The following MACROD2 variants were observed in gnomAD, a reference collection of about 807,000 sequenced individuals.
MACROD2 encodes ADP-ribose glycohydrolase MACROD2.
A neutral mutation model predicts 70.4 loss-of-function variants in MACROD2; 36 were observed. That is an observed-to-expected ratio of 0.51 (90% CI 0.39 to 0.68). The LOEUF is 0.68. Among genes scored for constraint, MACROD2 ranks in the 30% least tolerant of loss-of-function variants. The probability of loss-of-function intolerance (pLI) is 0.00; values close to 1 mark genes in which losing one functional copy is unlikely to be tolerated. For missense variants in MACROD2, 496 were observed against 538.4 expected, an observed-to-expected ratio of 0.92 and a Z score of 0.78; for synonymous variants, 172 against 178.8, an observed-to-expected ratio of 0.96 and a Z score of 0.30.
chr20:15,374,669 A>G lies in MACROD2; in HGVS notation c.541-56736A>G, dbSNP rs923861300. 2.6e-5 allele frequency among the ~76,000 whole-genome samples: 4 copies of G among 152,176 alleles called. No homozygotes were observed. In the East Asian group the frequency reaches 7.7e-4, roughly 29 times the overall value. ...AAAGAATAGAGTGCCACTATTCCTG[A>G]GCAAGAAAGAGATGTTTTCAATTTC... is the stretch of plus-strand genomic sequence containing the variant. On this transcript the variant is annotated intron_variant, in intron 6 of 17. Transcript: ENST00000684519.
intron 5 of MACROD2, among the ~76,000 whole-genome samples, chr20:14,719,778 C>T (rs1489004503): frequency 6.6e-6 from 1 of 152,126 alleles, no homozygotes; most frequent in Admixed American, 6.5e-5. Flanking sequence ...ACTTCTAATT[C>T]GAGGCCTATG....
chr20:15,417,575 G>T (rs890443305), intron 6 of MACROD2, among the ~76,000 whole-genome samples: 1 of 133,598 alleles, frequency 7.5e-6, no homozygotes, highest in African/African-American at 2.9e-5. Flanking sequence ...CTCCAGCCCA[G>T]GTGACAGAGC....
chr20:15,802,614 A>G (rs1312464885), intron 8 of MACROD2, among the ~76,000 whole-genome samples: 1 of 152,150 alleles, frequency 6.6e-6, no homozygotes, highest in Non-Finnish European at 1.5e-5. Flanking sequence ...TAAGATATTA[A>G]AAAAGCAAGA....
intron 9 of MACROD2, among the ~76,000 whole-genome samples, chr20:15,885,053 T>C (rs1568617600): frequency 6.6e-6 from 1 of 152,108 alleles, no homozygotes; most frequent in Non-Finnish European, 1.5e-5. Context: ...AGATTAAGCA[T>C]ATGAATTTTG....
At chr20:15,918,046 C>A (rs1279447328) in intron 10 of MACROD2, among the ~76,000 whole-genome samples, 1 of 152,038 alleles carries the variant, frequency 6.6e-6, no homozygotes, top group Non-Finnish European at 1.5e-5. Context: ...GTGGGGAGTT[C>A]TATGAATAAA....
intron 3 of MACROD2, among the ~76,000 whole-genome samples, chr20:14,148,341 TGAA>T (rs2054968559): frequency 6.6e-6 from 1 of 152,222 alleles, no homozygotes; most frequent in African/African-American, 2.4e-5. Context: ...AATAAGCAGT[TGAA>T]GAAGATTTTT....
At chr20:15,235,653 T>C (rs1477675280) in intron 6 of MACROD2, among the ~76,000 whole-genome samples, 1 of 152,224 alleles carries the variant, frequency 6.6e-6, no homozygotes, top group Non-Finnish European at 1.5e-5. Flanking sequence ...TCTGAGAGGG[T>C]TGCCATGGCA....
intron 7 of MACROD2, among the ~76,000 whole-genome samples, chr20:15,436,487 A>T (rs1470503649): frequency 5.9e-5 from 9 of 152,186 alleles, no homozygotes; most frequent in Admixed American, 1.3e-4. Context: ...ATATGTGGGA[A>T]TTATGGGAGC....
intron 4 of MACROD2, 26 bp downstream of exon 4, chr20:14,493,534 A>T: frequency 6.3e-7 from 1 of 1,588,720 alleles, no homozygotes; most frequent in Non-Finnish European, 8.6e-7. Flanking sequence ...CACTTAACTT[A>T]AAATACATTT....
chr20:15,126,931 T>G (rs1376231366), intron 5 of MACROD2, among the ~76,000 whole-genome samples: 2 of 152,118 alleles, frequency 1.3e-5, no homozygotes, highest in African/African-American at 4.8e-5. Context: ...AGTCTATAAC[T>G]GACATTTTGA....
intron 3 of MACROD2, among the ~76,000 whole-genome samples, chr20:14,320,497 A>G (rs187471517): frequency 8.0e-4 from 122 of 152,250 alleles, no homozygotes; most frequent in Admixed American, 6.2e-3. Flanking sequence ...AAGAATATCA[A>G]TGCAGACTTC....
chr20:14,770,037 A>G (rs2072143929), intron 5 of MACROD2, among the ~76,000 whole-genome samples: 1 of 152,018 alleles, frequency 6.6e-6, no homozygotes, highest in Admixed American at 6.6e-5. Context: ...TTCTAAATAA[A>G]AGAAAAAGAT....
chr20:14,969,385 CACACACACACACACACAT>C (rs1203798919), intron 5 of MACROD2, among the ~76,000 whole-genome samples: 225 of 150,856 alleles, frequency 1.5e-3, no homozygotes, highest in African/African-American at 5.2e-3. Flanking sequence ...CACACACACA[CACACACACACACACACAT>C]ATATAAGCAT....
At chr20:15,894,152 G>A (rs2147226438) in intron 10 of MACROD2, 1 of 360,534 alleles carries the variant, frequency 2.8e-6, no homozygotes, top group Non-Finnish European at 5.4e-6. Flanking sequence ...CACTTGAAAA[G>A]AACTCTTGAG....
rs146765756 is a variant in MACROD2, at chr20:14,687,664, G to A, written c.418+2705G>A. ...CATGAGAGCTGAGATCCTGAGAGCC[G>A]ACAGATACTCAAGTCACTGCATGCA... On this transcript the variant is annotated intron_variant, in intron 5 of 17. Transcript: ENST00000684519. Among the ~76,000 whole-genome samples, 49 of 152,284 alleles carry A rather than the reference G, an allele frequency of 3.2e-4. 1 individual carries two copies. Among genetic ancestry groups the A allele is most frequent in the Admixed American group, 1.4e-3 (21 of 15,286 alleles).
At chr20:14,411,847 A>G (rs768256995) in intron 3 of MACROD2, among the ~76,000 whole-genome samples, 4 of 152,118 alleles carry the variant, frequency 2.6e-5, no homozygotes, top group Non-Finnish European at 5.9e-5. Context: ...CCTAGAGTTT[A>G]TGCAGCTTGA....
intron 3 of MACROD2, among the ~76,000 whole-genome samples, chr20:14,128,674 C>G (rs1399597948): frequency 6.6e-6 from 1 of 152,176 alleles, no homozygotes; most frequent in Non-Finnish European, 1.5e-5. Flanking sequence ...GAAATCAATG[C>G]TTGGCTTAAA....
chr20:15,124,298 T>C (rs1447890730), intron 5 of MACROD2, among the ~76,000 whole-genome samples: 1 of 151,642 alleles, frequency 6.6e-6, no homozygotes, highest in Admixed American at 6.6e-5. Flanking sequence ...CTACCAGATA[T>C]GTTATTTAAA....
At chr20:15,131,891 GATA>G (rs2076108419) in intron 5 of MACROD2, among the ~76,000 whole-genome samples, 2 of 151,812 alleles carry the variant, frequency 1.3e-5, no homozygotes, top group Admixed American at 6.6e-5. Flanking sequence ...TACTTGTTAA[GATA>G]ATGATATATA....
Sources: allele counts gnomAD v4.1 joint callset (sites outside exome capture counted in the v4.1 genomes callset), GRCh38; gene constraint gnomAD v4.1.1; transcripts MANE v1.5; gene names NCBI Gene and HGNC (gene_info 2026-07-23, HGNC 2026-07-21).